Variants in TMEM135 observed in about 807,000 individuals in gnomAD.
The protein encoded by TMEM135 is peroxisomal membrane protein 52.
Under a neutral mutation model 60.3 loss-of-function variants are expected in TMEM135, and 30 were observed. The observed-to-expected ratio is 0.50, with a 90% confidence interval of 0.37 to 0.68. TMEM135 has a LOEUF of 0.68. TMEM135 is among the 30% of genes least tolerant of loss of function. TMEM135 has a pLI of 0.00. For missense variants in TMEM135, 468 were observed against 548.8 expected, an observed-to-expected ratio of 0.85 and a Z score of 1.47; for synonymous variants, 190 against 186.7, an observed-to-expected ratio of 1.02 and a Z score of -0.14.
At position 87,321,294 on chromosome 11, in the gene TMEM135, C is replaced by T; in HGVS notation, c.1338C>T (p.Tyr446=). The change falls in exon 15 of 15, where the codon TAC becomes TAT. Residue 446 remains tyrosine (Y), a synonymous_variant. Coordinates refer to ENST00000305494, the MANE Select transcript of TMEM135 (RefSeq NM_022918.4). Reference sequence around the variant, plus strand: ...TCATCCCCAGGTTGGATCCAAGATACACAACTGTAACACCAGAGTTGCCCA... The same window carrying T: ...TCATCCCCAGGTTGGATCCAAGATATACAACTGTAACACCAGAGTTGCCCA... ...QDFIPRLDPR[Y]TTVTPELPTE... 3.7e-6 allele frequency: 6 copies of T among 1,613,696 alleles called. No individual in the cohort carries two copies. Among genetic ancestry groups the T allele is most frequent in the Non-Finnish European group, 5.1e-6 (6 of 1,179,708 alleles).
chr11:87,110,409 G>A (rs1857711928), intron 4 of TMEM135, among the ~76,000 whole-genome samples: 1 of 151,764 alleles, frequency 6.6e-6, no homozygotes, highest in Non-Finnish European at 1.5e-5. Flanking sequence ...GTTATAGTGA[G>A]CCATGCTTGC....
chr11:87,126,985 A>G (rs1937752033), intron 4 of TMEM135, among the ~76,000 whole-genome samples: 1 of 152,204 alleles, frequency 6.6e-6, no homozygotes, highest in South Asian at 2.1e-4. Context: ...ATACATATAT[A>G]AGTGTAGATA....
chr11:87,212,839 A>G (rs978847485), intron 5 of TMEM135, among the ~76,000 whole-genome samples: 1 of 151,738 alleles, frequency 6.6e-6, no homozygotes. Flanking sequence ...AAAAAAAAAA[A>G]AAAGAATACA....
chr11:87,160,769 AC>A (rs1938848845), intron 5 of TMEM135, among the ~76,000 whole-genome samples: 1 of 152,182 alleles, frequency 6.6e-6, no homozygotes, highest in South Asian at 2.1e-4. Context: ...GGAAAAAAAT[AC>A]CCTTCACAAA....
intron 2 of TMEM135, 63 bp downstream of exon 2, chr11:87,067,884 T>C (rs1856697514): frequency 6.3e-7 from 1 of 1,584,392 alleles, no homozygotes; most frequent in Non-Finnish European, 8.7e-7. Flanking sequence ...GAAACAAGTA[T>C]GTGTTTACAT....
At chr11:87,225,169 T>C (rs1199232448) in intron 5 of TMEM135, among the ~76,000 whole-genome samples, 1 of 152,142 alleles carries the variant, frequency 6.6e-6, no homozygotes, top group Non-Finnish European at 1.5e-5. Context: ...TATAAATCTT[T>C]AATGGGATTT....
chr11:87,262,751 C>T (rs79971064), intron 6 of TMEM135, among the ~76,000 whole-genome samples: 3,518 of 152,176 alleles, frequency 0.023, 89 homozygotes, highest in African/African-American at 0.06. Flanking sequence ...CATTTTGAGC[C>T]GTGAGCGGAG....
chr11:87,123,266 A>G (rs1005993062), intron 4 of TMEM135, among the ~76,000 whole-genome samples: 5 of 114,950 alleles, frequency 4.3e-5, no homozygotes, highest in African/African-American at 1.5e-4. Flanking sequence ...TGGCAGAGCT[A>G]TGCTCCTGAA....
chr11:87,194,986 A>G (rs548475649), intron 5 of TMEM135, among the ~76,000 whole-genome samples: 21 of 152,330 alleles, frequency 1.4e-4, no homozygotes, highest in Admixed American at 3.9e-4. Context: ...TTAAAACCAT[A>G]TCAGCATTAT....
chr11:87,294,132 T>C (rs1942311295), intron 6 of TMEM135, among the ~76,000 whole-genome samples: 1 of 152,200 alleles, frequency 6.6e-6, no homozygotes, highest in South Asian at 2.1e-4. Flanking sequence ...GCTTTTTTCA[T>C]TTGTTTGTTG....
At chr11:87,163,278 A>G (rs1363490048) in intron 5 of TMEM135, among the ~76,000 whole-genome samples, 15 of 141,246 alleles carry the variant, frequency 1.1e-4, no homozygotes, top group Admixed American at 2.9e-4. Context: ...ATGAGTGAGA[A>G]TATGCGGTGT....
At chr11:87,110,207 T>C (rs1366214344) in intron 4 of TMEM135, among the ~76,000 whole-genome samples, 3 of 152,188 alleles carry the variant, frequency 2.0e-5, no homozygotes, top group Non-Finnish European at 4.4e-5. Context: ...GTATACCACT[T>C]ATGCAAAAGG....
intron 8 of TMEM135, among the ~76,000 whole-genome samples, chr11:87,305,480 A>G (rs1027795813): frequency 6.6e-6 from 1 of 152,130 alleles, no homozygotes; most frequent in Non-Finnish European, 1.5e-5. Context: ...ACACATTTAG[A>G]AGTAGTGAGT....
At chr11:87,308,892 T>C (rs1261455695) in intron 9 of TMEM135, among the ~76,000 whole-genome samples, 1 of 152,154 alleles carries the variant, frequency 6.6e-6, no homozygotes, top group East Asian at 1.9e-4. Context: ...TTTTCAAGTT[T>C]AGTTTAATAT....
chr11:87,161,549 A>T (rs984142077), intron 5 of TMEM135, among the ~76,000 whole-genome samples: 1 of 152,170 alleles, frequency 6.6e-6, no homozygotes, highest in East Asian at 1.9e-4. Context: ...AAGTTTAACA[A>T]TTCTTTACCA....
At chr11:87,147,675 A>G (rs1938452325) in intron 4 of TMEM135, among the ~76,000 whole-genome samples, 2 of 152,208 alleles carry the variant, frequency 1.3e-5, no homozygotes, top group African/African-American at 2.4e-5. Context: ...CAAAAGTCCA[A>G]TCCAGAAGTT....
rs1305603054 is a variant in TMEM135 at position 87,326,571 on chromosome 11, A to G, written c.*5238A>G. Reference sequence around the variant, plus strand: ...TGGATGCCAAAAGGAATGGGAGAGAAGAGACTATAAACATATTTTAAGCCT... The same window carrying G: ...TGGATGCCAAAAGGAATGGGAGAGAGGAGACTATAAACATATTTTAAGCCT... On this transcript the variant is annotated 3_prime_UTR_variant, in exon 15 of 15. Transcript: ENST00000305494. 1 of 454,088 alleles carries G rather than the reference A, an allele frequency of 2.2e-6. No individual in the cohort carries two copies. The highest frequency in any genetic ancestry group is 4.4e-6 in the Non-Finnish European group (1 of 226,788). 28.1% of individuals were successfully genotyped at this position (454,088 alleles called of 1,614,324 possible).
intron 4 of TMEM135, among the ~76,000 whole-genome samples, chr11:87,125,475 T>C (rs1937700769): frequency 1.3e-5 from 2 of 152,144 alleles, no homozygotes; most frequent in Admixed American, 6.6e-5. Context: ...TATGCAAGAG[T>C]GTAATGAATA....
intron 6 of TMEM135, among the ~76,000 whole-genome samples, chr11:87,259,885 T>G (rs1941612270): frequency 6.6e-6 from 1 of 152,162 alleles, no homozygotes; most frequent in South Asian, 2.1e-4. Context: ...TATTTTCCCT[T>G]GTTAATCACA....
Sources: gnomAD v4.1 joint callset for allele counts (sites outside exome capture counted in the v4.1 genomes callset) on GRCh38, gnomAD v4.1.1 for gene constraint, MANE v1.5 for transcripts, NCBI Gene and HGNC (gene_info 2026-07-23, HGNC 2026-07-21) for gene names.